The following FGD6 variants were observed in gnomAD, a reference collection of about 807,000 sequenced individuals.
FGD6 encodes FYVE, RhoGEF and PH domain containing 6.
FGD6 carries 90 observed loss-of-function variants against 149.4 expected under a neutral mutation model. That is an observed-to-expected ratio of 0.60 (90% CI 0.51 to 0.72). The LOEUF is 0.72. Ranked by LOEUF, FGD6 falls within the 30% of genes least tolerant of loss-of-function variation. FGD6 has a pLI of 0.00. For synonymous variants in FGD6, 527 were observed against 584.0 expected (o/e 0.90, Z 1.41); for missense variants, 1,437 against 1,684.8 (o/e 0.85, Z 2.57).
rs780664123 is a variant in FGD6, at chr12:95,210,753, G to A, written c.531C>T (p.Ser177=). The change falls in exon 2 of 21, where the codon AGC becomes AGT. Residue 177 remains serine, a synonymous_variant. Transcript: ENST00000343958. ...CATCTTTGAGCTCCTCTTCTAAAAC[G>A]CTTGCCTTTAAAACAACCCCACCCT... ...KNQGGVVLKA[S]VLEEELKDAL... is the part of the protein sequence containing the mutation. 1.7e-5 allele frequency: 27 copies of A among 1,613,852 alleles called. No homozygotes were observed. The highest frequency in any genetic ancestry group is 1.0e-4 in the Admixed American group (6 of 59,966).
At chr12:95,131,484 A>G (rs932050670) in intron 8 of FGD6, among the ~76,000 whole-genome samples, 2 of 152,114 alleles carry the variant, frequency 1.3e-5, no homozygotes, top group African/African-American at 2.4e-5. Context: ...ACTGACCCAG[A>G]TATTTTGGAG....
At chr12:95,170,120 C>CA (rs1027064349) in intron 3 of FGD6, among the ~76,000 whole-genome samples, 4 of 150,500 alleles carry the variant, frequency 2.7e-5, no homozygotes, top group East Asian at 3.9e-4. Flanking sequence ...GACTCCGTCT[C>CA]AAAAAAAAAG....
chr12:95,136,439 C>G (rs1879670032), intron 7 of FGD6, among the ~76,000 whole-genome samples: 1 of 152,150 alleles, frequency 6.6e-6, no homozygotes, highest in Non-Finnish European at 1.5e-5. Context: ...ATTCACCGAT[C>G]TTTTAAGCTT....
chr12:95,088,924 C>G (rs1877963467), intron 18 of FGD6, among the ~76,000 whole-genome samples: 1 of 151,782 alleles, frequency 6.6e-6, no homozygotes, highest in South Asian at 2.1e-4. Flanking sequence ...GCAAGAGAAC[C>G]AAATTAAAAA....
At chr12:95,127,716 C>A (rs1389177637) in intron 8 of FGD6, among the ~76,000 whole-genome samples, 1 of 152,132 alleles carries the variant, frequency 6.6e-6, no homozygotes, top group Non-Finnish European at 1.5e-5. Context: ...CAGTTAATAT[C>A]ATCCTAAAGG....
intron 2 of FGD6, among the ~76,000 whole-genome samples, chr12:95,182,204 T>C (rs1304243392): frequency 2.0e-5 from 3 of 146,396 alleles, no homozygotes; most frequent in Admixed American, 7.1e-5. Flanking sequence ...TATTTACACA[T>C]ATATATGTAT....
chr12:95,087,100 G>A (rs1018955714), intron 18 of FGD6, among the ~76,000 whole-genome samples: 2 of 152,190 alleles, frequency 1.3e-5, no homozygotes, highest in African/African-American at 4.8e-5. Context: ...AAAGTGCTGG[G>A]ATTACAGGTA....
intron 19 of FGD6, among the ~76,000 whole-genome samples, chr12:95,085,213 CTTTTTTTTTT>C (rs34135341): frequency 2.5e-5 from 3 of 118,106 alleles, no homozygotes; most frequent in Non-Finnish European, 3.5e-5. Flanking sequence ...ACAGCTCTGC[CTTTTTTTTTT>C]TTTTTTTTTT....
At chr12:95,128,421 T>C (rs796477133) in intron 8 of FGD6, among the ~76,000 whole-genome samples, 4 of 152,266 alleles carry the variant, frequency 2.6e-5, no homozygotes, top group African/African-American at 9.6e-5. Flanking sequence ...ATTTTTCTTT[T>C]GTAGAGACAG....
chr12:95,202,390 A>AAAAAATAAAATAAAATAAAATAAAAT (rs2056668316), intron 2 of FGD6, among the ~76,000 whole-genome samples: 2 of 141,708 alleles, frequency 1.4e-5, no homozygotes, highest in African/African-American at 2.6e-5. Context: ...CCATTTCCCA[A>AAAAAATAAAATAAAATAAAATAAAAT]AAAATAAAAT....
At chr12:95,094,815 A>T in intron 14 of FGD6, 121 bp from the exon 15 acceptor site, 1 of 695,670 alleles carries the variant, frequency 1.4e-6, no homozygotes, top group South Asian at 1.7e-5. Flanking sequence ...TCAAAAAAGT[A>T]GCAACTCCTC....
intron 8 of FGD6, among the ~76,000 whole-genome samples, chr12:95,129,299 GCATGCATGCATGCATC>G (rs1565903449): frequency 1.2e-4 from 10 of 82,380 alleles, no homozygotes; most frequent in African/African-American, 5.5e-4. Flanking sequence ...ATGCATCCAT[GCATGCATGCATGCATC>G]CATCCATCCA....
chr12:95,198,501 G>A (rs562410641), intron 2 of FGD6, among the ~76,000 whole-genome samples: 12 of 152,128 alleles, frequency 7.9e-5, no homozygotes, highest in African/African-American at 2.4e-4. Flanking sequence ...TTGCAGTGGC[G>A]CTATCTCTGC....
intron 2 of FGD6, among the ~76,000 whole-genome samples, chr12:95,184,612 C>T (rs1185342655): frequency 6.8e-6 from 1 of 147,048 alleles, no homozygotes; most frequent in Non-Finnish European, 1.5e-5. Context: ...TGGAGTCTTG[C>T]TCTGTCGCCC....
chr12:95,164,371 A>T (rs1880736034), intron 3 of FGD6, among the ~76,000 whole-genome samples: 1 of 151,402 alleles, frequency 6.6e-6, no homozygotes, highest in Non-Finnish European at 1.5e-5. Context: ...CAGCTTTGTA[A>T]ATTCTTAATT....
At chr12:95,172,491 T>C in intron 3 of FGD6, 109 bp downstream of exon 3, 5 of 1,003,764 alleles carry the variant, frequency 5.0e-6, no homozygotes, top group Non-Finnish European at 7.0e-6. Flanking sequence ...TTTGAAAGTG[T>C]TTTATAAGTT....
chr12:95,103,062 T>C lies in FGD6; in HGVS notation c.3497+1945A>G, dbSNP rs80079910. 3.3e-3 allele frequency among the ~76,000 whole-genome samples: 506 copies of C among 152,310 alleles called. 11 individuals are homozygous for C. The East Asian group carries it at 0.033, about 10-fold the overall frequency. On this transcript the variant is annotated intron_variant, in intron 14 of 20. Coordinates refer to ENST00000343958, the MANE Select transcript of FGD6 (RefSeq NM_018351.4). ...TAGTTGATTTCAGTGGTATGGACAA[T>C]TGGAAACAGACTGCCTGGTTTCAAA...
chr12:95,152,319 T>C (rs1388087740), intron 5 of FGD6, among the ~76,000 whole-genome samples: 2 of 151,878 alleles, frequency 1.3e-5, no homozygotes, highest in Non-Finnish European at 2.9e-5. Flanking sequence ...CAGAATAAGA[T>C]GCTCTCTCAA....
chr12:95,202,074 G>C (rs1565922884), intron 2 of FGD6, among the ~76,000 whole-genome samples: 1 of 151,666 alleles, frequency 6.6e-6, no homozygotes, highest in Non-Finnish European at 1.5e-5. Flanking sequence ...TAAAAGTGTA[G>C]AGTGACAGTC....
Sources: allele counts gnomAD v4.1 joint callset (sites outside exome capture counted in the v4.1 genomes callset), GRCh38; gene constraint gnomAD v4.1.1; transcripts MANE v1.5; gene names NCBI Gene and HGNC (gene_info 2026-07-23, HGNC 2026-07-21).